MYO10: variants seen among roughly 807,000 people sequenced by gnomAD.
MYO10 encodes unconventional myosin-X.
A neutral mutation model predicts 257.3 loss-of-function variants in MYO10; 133 were observed. The observed-to-expected ratio is 0.52, with a 90% confidence interval of 0.45 to 0.60. MYO10 has a LOEUF of 0.60. MYO10 is among the 20% of genes least tolerant of loss of function. The pLI is 0.00. For synonymous variants in MYO10, 1,104 were observed against 1,028.6 expected (o/e 1.07, Z -1.40); for missense variants, 2,399 against 2,635.7 (o/e 0.91, Z 1.97).
At chr5:16,771,518 G>A (rs1041598955) in intron 9 of MYO10, among the ~76,000 whole-genome samples, 2 of 149,126 alleles carry the variant, frequency 1.3e-5, no homozygotes, top group Admixed American at 1.3e-4. Flanking sequence ...TGGCCCAACT[G>A]ACCCAAATCT....
chr5:16,699,564 T>C lies in MYO10; in HGVS notation c.3442A>G (p.Ser1148Gly). 1 of 1,613,570 alleles carries C rather than the reference T, an allele frequency of 6.2e-7. No homozygotes were observed. The highest frequency in any genetic ancestry group is 8.5e-7 in the Non-Finnish European group (1 of 1,179,864). ...SEGAQSSFEDSEEDFDSRFDT... is the reference protein window; with the variant it reads ...SEGAQSSFEDGEEDFDSRFDT... ...AACCTGGAATCAAAGTCCTCTTCACTATCTTCAAACTGGACCGAGAGAGAG... is the reference window on the plus strand; with the variant it reads ...AACCTGGAATCAAAGTCCTCTTCACCATCTTCAAACTGGACCGAGAGAGAG... The change falls in exon 26 of 41, where the codon AGT (serine) becomes GGT (glycine). Residue 1148 changes from serine (S) to glycine (G), a missense_variant. This residue lies in a region of MYO10 where 1,820 missense variants were observed against 1,939.4 expected (regional missense o/e 0.94). Transcript: ENST00000513610.
At chr5:16,779,033 A>G (rs1020435128) in intron 9 of MYO10, among the ~76,000 whole-genome samples, 6 of 151,838 alleles carry the variant, frequency 4.0e-5, no homozygotes, top group Non-Finnish European at 8.8e-5. Flanking sequence ...TCACCCTTCA[A>G]CGTGTCCCTG....
chr5:16,774,602 T>C (rs1741160859), intron 9 of MYO10, among the ~76,000 whole-genome samples: 1 of 151,932 alleles, frequency 6.6e-6, no homozygotes, highest in Admixed American at 6.6e-5. Flanking sequence ...TGTGTATTTT[T>C]AGTAGAGACG....
intron 9 of MYO10, among the ~76,000 whole-genome samples, chr5:16,779,150 T>C (rs1415571247): frequency 6.6e-6 from 1 of 152,190 alleles, no homozygotes; most frequent in Non-Finnish European, 1.5e-5. Context: ...AGATTTGTTA[T>C]TAGCTATAGA....
chr5:16,678,669 A>C lies in MYO10; in HGVS notation c.4542+1278T>G, dbSNP rs994853955. 1.3e-5 allele frequency among the ~76,000 whole-genome samples: 2 copies of C among 152,238 alleles called. 1 individual carries two copies. The highest frequency in any genetic ancestry group is 2.9e-5 in the Non-Finnish European group (2 of 68,042). Reference sequence around the variant, plus strand: ...GAGAACATACCACTTTGGAATCAGGAGGCCAATTTGATTTTGATGGAAAAT... The same window carrying C: ...GAGAACATACCACTTTGGAATCAGGCGGCCAATTTGATTTTGATGGAAAAT... On this transcript the variant is annotated intron_variant, in intron 33 of 40. Coordinates refer to ENST00000513610, the MANE Select transcript of MYO10 (RefSeq NM_012334.3).
At chr5:16,833,894 T>C (rs775148663) in intron 2 of MYO10, among the ~76,000 whole-genome samples, 113 of 152,236 alleles carry the variant, frequency 7.4e-4, no homozygotes, top group Middle Eastern at 3.2e-3. Flanking sequence ...ATATTTCAGT[T>C]AGTCATATTA....
intron 4 of MYO10, among the ~76,000 whole-genome samples, chr5:16,790,417 C>A (rs1397506540): frequency 2.0e-5 from 3 of 152,136 alleles, no homozygotes; most frequent in Admixed American, 1.3e-4. Flanking sequence ...GTGTCCCCAC[C>A]CAGATCTCAT....
At chr5:16,824,530 T>C (rs969355852) in intron 2 of MYO10, among the ~76,000 whole-genome samples, 2 of 152,114 alleles carry the variant, frequency 1.3e-5, no homozygotes, top group East Asian at 3.9e-4. Flanking sequence ...GTAAAAATGA[T>C]GACAATAAGC....
intron 19 of MYO10, among the ~76,000 whole-genome samples, chr5:16,719,732 G>C (rs1054164135): frequency 6.6e-6 from 1 of 152,160 alleles, no homozygotes; most frequent in Non-Finnish European, 1.5e-5. Flanking sequence ...GGGAGGCTGA[G>C]GTGGGTGGAT....
chr5:16,797,713 C>A (rs1051434025), intron 3 of MYO10, among the ~76,000 whole-genome samples: 1 of 152,226 alleles, frequency 6.6e-6, no homozygotes, highest in African/African-American at 2.4e-5. Flanking sequence ...CAAAAGTTCA[C>A]ATATCCAGAA....
intron 1 of MYO10, among the ~76,000 whole-genome samples, chr5:16,930,864 C>T (rs31455): frequency 6.6e-6 from 1 of 151,852 alleles, no homozygotes; most frequent in Non-Finnish European, 1.5e-5. Context: ...CAAGGGGAAA[C>T]GCTTAATCCA....
chr5:16,855,224 C>T (rs760478815), intron 2 of MYO10, among the ~76,000 whole-genome samples: 1 of 152,092 alleles, frequency 6.6e-6, no homozygotes, highest in African/African-American at 2.4e-5. Context: ...AATGAATACT[C>T]AAGAGTATGG....
At chr5:16,823,255 G>T (rs953829892) in intron 2 of MYO10, among the ~76,000 whole-genome samples, 6 of 149,738 alleles carry the variant, frequency 4.0e-5, no homozygotes, top group Admixed American at 2.0e-4. Flanking sequence ...GACCAGCCTG[G>T]CCAACGTGGT....
intron 19 of MYO10, among the ~76,000 whole-genome samples, chr5:16,725,772 A>G (rs1323668165): frequency 1.4e-5 from 2 of 145,588 alleles, no homozygotes; most frequent in African/African-American, 2.5e-5. Context: ...AGGCCAGAGA[A>G]GCAACAGGTA....
intron 19 of MYO10, among the ~76,000 whole-genome samples, chr5:16,721,557 C>T (rs10063862): frequency 0.015 from 2,259 of 152,182 alleles, 63 homozygotes; most frequent in African/African-American, 0.052. Flanking sequence ...AGAGGCAACC[C>T]CCGCAGGTGA....
chr5:16,721,551 G>A (rs915751401), intron 19 of MYO10, among the ~76,000 whole-genome samples: 1 of 152,144 alleles, frequency 6.6e-6, no homozygotes, highest in African/African-American at 2.4e-5. Context: ...TAGAGAAGAG[G>A]CAACCCCCGC....
intron 4 of MYO10, among the ~76,000 whole-genome samples, chr5:16,792,128 CACACAGAGAGAGAG>C (rs1301495282): frequency 6.8e-4 from 93 of 137,702 alleles, no homozygotes; most frequent in Non-Finnish European, 8.3e-4. Flanking sequence ...CACACACACA[CACACAGAGAGAGAG>C]AGAGAGAGAG....
intron 1 of MYO10, among the ~76,000 whole-genome samples, chr5:16,901,329 G>A (rs2560845): frequency 0.24 from 36,182 of 152,046 alleles, 5,379 homozygotes; most frequent in Admixed American, 0.38. Context: ...GTCCCCAGGT[G>A]CCAGCCCTCC....
At chr5:16,899,686 T>C (rs918495273) in intron 1 of MYO10, among the ~76,000 whole-genome samples, 3 of 149,052 alleles carry the variant, frequency 2.0e-5, no homozygotes, top group Non-Finnish European at 3.0e-5. Flanking sequence ...AGAATGTAAA[T>C]TGTACAGGTC....
Sources: allele counts gnomAD v4.1 joint callset (sites outside exome capture counted in the v4.1 genomes callset), GRCh38; gene constraint gnomAD v4.1.1; regional missense constraint gnomAD v4.1.1; transcripts MANE v1.5; gene names NCBI Gene and HGNC (gene_info 2026-07-23, HGNC 2026-07-21).